The following AGXT2 variants were observed in gnomAD, a reference collection of about 807,000 sequenced individuals.
The protein encoded by AGXT2 is alanine--glyoxylate aminotransferase 2.
In AGXT2, 61 loss-of-function variants were observed where a neutral mutation model predicts 62.5. The ratio of observed to expected loss-of-function variants is 0.98; its 90% CI spans 0.79 to 1.21. The LOEUF (loss-of-function observed/expected upper bound fraction) is 1.21. Among genes scored for constraint, AGXT2 ranks in the 50% most tolerant of loss-of-function variants. The pLI is 0.00. For synonymous variants in AGXT2, 243 were observed against 218.7 expected (o/e 1.11, Z -0.98); for missense variants, 666 against 641.5 (o/e 1.04, Z -0.41).
At position 35,003,822 on chromosome 5, in the gene AGXT2, T is replaced by A; in HGVS notation, c.1378A>T (p.Ile460Phe). The A allele has an allele frequency of 6.2e-7, 1 of 1,614,232 alleles. No homozygotes were observed. Among genetic ancestry groups the A allele is most frequent in the Non-Finnish European group, 8.5e-7 (1 of 1,180,044 alleles). ...CCCATGTGCTTGCAGTCCTCATGGA[T>A]CTGATTTACTTCTTCACGGGGAAGA... ...RPLPREEVNQIHEDCKHMGLL... is the reference protein window; with the variant it reads ...RPLPREEVNQFHEDCKHMGLL... The change falls in exon 13 of 14, where the codon ATC becomes TTC. Residue 460 changes from isoleucine (I) to phenylalanine (F), a missense_variant. Ile to Phe is a conservative substitution (Grantham distance 21). Coordinates refer to ENST00000231420, the MANE Select transcript of AGXT2 (RefSeq NM_031900.4).
chr5:35,045,854 G>C (rs1326106879), intron 1 of AGXT2, among the ~76,000 whole-genome samples: 7 of 138,966 alleles, frequency 5.0e-5, no homozygotes, highest in African/African-American at 8.2e-5. Context: ...TGCAAGCTCC[G>C]ACTCCCGGGT....
chr5:35,037,519 C>T (rs1767824199), intron 3 of AGXT2, among the ~76,000 whole-genome samples: 2 of 134,538 alleles, frequency 1.5e-5, no homozygotes, highest in Admixed American at 1.5e-4. Flanking sequence ...TCCCTCCCTT[C>T]CCCCCTTCCT....
At chr5:34,999,253 C>A (rs998158703) in intron 13 of AGXT2, among the ~76,000 whole-genome samples, 1 of 152,230 alleles carries the variant, frequency 6.6e-6, no homozygotes, top group African/African-American at 2.4e-5. Context: ...CATGAGCCTC[C>A]TCTTCACCAG....
At chr5:35,019,833 AAT>A (rs1766996906) in intron 9 of AGXT2, among the ~76,000 whole-genome samples, 1 of 152,194 alleles carries the variant, frequency 6.6e-6, no homozygotes. Context: ...TAGCAAGACT[AAT>A]AAAGAAAAAA....
At chr5:35,035,365 C>T (rs778258086) in intron 4 of AGXT2, 49 bp from the exon 5 acceptor site, 16 of 1,516,936 alleles carry the variant, frequency 1.1e-5, no homozygotes, top group Non-Finnish European at 1.5e-5. Context: ...TTCCTTATTA[C>T]CCATTCACTT....
At chr5:35,016,590 A>G (rs183694787) in intron 9 of AGXT2, among the ~76,000 whole-genome samples, 2 of 152,146 alleles carry the variant, frequency 1.3e-5, no homozygotes, top group Admixed American at 1.3e-4. Context: ...CCCTTAACAT[A>G]AAAGGAACCC....
At chr5:35,031,954 T>A (rs377576447) in intron 7 of AGXT2, among the ~76,000 whole-genome samples, 80,336 of 116,924 alleles carry the variant, frequency 0.69, 26,419 homozygotes, top group Middle Eastern at 0.79. Flanking sequence ...TTTTTTTTTT[T>A]TTTTTTTTTT....
chr5:35,031,706 T>C (rs1767562126), intron 7 of AGXT2, among the ~76,000 whole-genome samples: 1 of 152,180 alleles, frequency 6.6e-6, no homozygotes, highest in African/African-American at 2.4e-5. Context: ...CCTTTAAAAC[T>C]TTTGCCAGGG....
At chr5:35,028,601 GA>G (rs1767452317) in intron 7 of AGXT2, among the ~76,000 whole-genome samples, 1 of 103,216 alleles carries the variant, frequency 9.7e-6, no homozygotes, top group South Asian at 2.7e-4. Context: ...GAGAGAGAGA[GA>G]GAGAGAGAGA....
At chr5:35,039,630 C>T in intron 2 of AGXT2, 122 bp from the exon 3 acceptor site, 1 of 995,786 alleles carries the variant, frequency 1.0e-6, no homozygotes, top group South Asian at 1.5e-5. Context: ...TGTAGAGGCT[C>T]AGAAGTGCGT....
intron 13 of AGXT2, among the ~76,000 whole-genome samples, chr5:35,000,322 C>T (rs1766180722): frequency 6.6e-6 from 1 of 152,176 alleles, no homozygotes; most frequent in Non-Finnish European, 1.5e-5. Flanking sequence ...CCTGTCCACG[C>T]TTTCTGCCTC....
intron 11 of AGXT2, 157 bp downstream of exon 11, chr5:35,012,797 A>C (rs1766694766): frequency 1.3e-6 from 1 of 763,536 alleles, no homozygotes. Flanking sequence ...AAAAGGGAGA[A>C]GGCAGAATAA....
intron 9 of AGXT2, 31 bp downstream of exon 9, chr5:35,025,732 G>T (rs754512558): frequency 8.1e-6 from 13 of 1,605,202 alleles, no homozygotes; most frequent in Non-Finnish European, 1.0e-5. Context: ...TGTTCCCACT[G>T]CACTCAATGG....
rs377361068 is a variant in AGXT2 at position 35,003,630 on chromosome 5, C to T, written c.1437+133G>A. ...TCCCTAGATGACATGTGGCTGGGTA[C>T]CTCGGCACAGTTGTGTAAAAACTGC... On this transcript the variant is annotated intron_variant, in intron 13 of 13. Coordinates refer to ENST00000231420, the MANE Select transcript of AGXT2 (RefSeq NM_031900.4). 437 of 866,462 alleles carry T rather than the reference C, an allele frequency of 5.0e-4. 3 individuals are homozygous for T. The African/African-American group carries it at 6.5e-3, about 13-fold the overall frequency. 53.7% of individuals were successfully genotyped at this position (866,462 alleles called of 1,614,324 possible). A position where few individuals can be genotyped will look rare whatever the true frequency, so the allele number is the denominator to read the frequency against.
chr5:35,006,724 G>A (rs1166144377), intron 12 of AGXT2, among the ~76,000 whole-genome samples: 1 of 152,148 alleles, frequency 6.6e-6, no homozygotes, highest in African/African-American at 2.4e-5. Context: ...AATTTTGAGA[G>A]CTGCAGACAA....
intron 9 of AGXT2, among the ~76,000 whole-genome samples, chr5:35,015,799 G>A (rs557029402): frequency 4.1e-4 from 58 of 142,896 alleles, no homozygotes; most frequent in Non-Finnish European, 6.8e-4. Flanking sequence ...GCAGTGAGCC[G>A]GGATCATGCC....
chr5:35,032,844 G>A lies in AGXT2; in HGVS notation c.676-19C>T, dbSNP rs768355217. Reference sequence around the variant, plus strand: ...ACATTGTCTGCAAATGACAAAAGAAGGAGTGTGGCAAAGCATGAACACAAG... The same window carrying A: ...ACATTGTCTGCAAATGACAAAAGAAAGAGTGTGGCAAAGCATGAACACAAG... On this transcript the variant is annotated intron_variant, in intron 6 of 13. Transcript: ENST00000231420. 1.3e-6 allele frequency: 2 copies of A among 1,586,286 alleles called. No homozygotes were observed. The highest frequency in any genetic ancestry group is 1.7e-6 in the Non-Finnish European group (2 of 1,163,380).
intron 1 of AGXT2, 24 bp downstream of exon 1, chr5:35,047,781 C>T (rs1224751171): frequency 1.2e-6 from 2 of 1,613,376 alleles, no homozygotes. Flanking sequence ...TCTACTGACC[C>T]ACGTCCCCCT....
At chr5:34,999,319 ATCCTCAT>A (rs1191418237) in intron 13 of AGXT2, among the ~76,000 whole-genome samples, 4 of 152,158 alleles carry the variant, frequency 2.6e-5, no homozygotes, top group Admixed American at 2.0e-4. Context: ...AGACTTCAGA[ATCCTCAT>A]TCACCCATTG....
Sources: gnomAD v4.1 joint callset for allele counts (sites outside exome capture counted in the v4.1 genomes callset) on GRCh38, gnomAD v4.1.1 for gene constraint, MANE v1.5 for transcripts, NCBI Gene and HGNC (gene_info 2026-07-23, HGNC 2026-07-21) for gene names.